RNF169: variants seen among roughly 807,000 people sequenced by gnomAD.
The protein encoded by RNF169 is E3 ubiquitin-protein ligase RNF169.
Under a neutral mutation model 53.9 loss-of-function variants are expected in RNF169, and 24 were observed. The ratio of observed to expected loss-of-function variants is 0.45; its 90% CI spans 0.32 to 0.63. The LOEUF is 0.63. Among genes scored for constraint, RNF169 ranks in the 20% least tolerant of loss-of-function variants. The pLI is 0.04. For missense variants in RNF169, 883 were observed against 906.2 expected (o/e 0.97, Z 0.33); for synonymous variants, 396 against 363.5 (o/e 1.09, Z -1.02).
chr11:74,816,172 G>A (rs1312777007), intron 3 of RNF169, among the ~76,000 whole-genome samples: 5 of 152,286 alleles, frequency 3.3e-5, no homozygotes, highest in East Asian at 1.9e-4. Flanking sequence ...CAGGGTACTC[G>A]GAGCCATATG....
At chr11:74,785,490 A>G (rs1421298374) in intron 1 of RNF169, among the ~76,000 whole-genome samples, 3 of 151,136 alleles carry the variant, frequency 2.0e-5, no homozygotes, top group Non-Finnish European at 1.5e-5. Context: ...TTTAGAGGGT[A>G]CAGCTAAGAT....
At chr11:74,768,157 A>C (rs2035202874) in intron 1 of RNF169, among the ~76,000 whole-genome samples, 1 of 152,226 alleles carries the variant, frequency 6.6e-6, no homozygotes, top group South Asian at 2.1e-4. Context: ...ATTAATGTTA[A>C]AATTAAAGAG....
intron 2 of RNF169, among the ~76,000 whole-genome samples, chr11:74,803,858 T>TA (rs1391183955): frequency 6.6e-6 from 1 of 152,382 alleles, no homozygotes; most frequent in Middle Eastern, 3.4e-3. Context: ...TTATTCAAGA[T>TA]ATGTGGATTG....
intron 1 of RNF169, among the ~76,000 whole-genome samples, chr11:74,764,686 A>G (rs1463525835): frequency 6.6e-6 from 1 of 152,238 alleles, no homozygotes; most frequent in Non-Finnish European, 1.5e-5. Context: ...TGATGAAGAA[A>G]GAAGTCAGTA....
At chr11:74,766,037 G>A (rs2035169400) in intron 1 of RNF169, among the ~76,000 whole-genome samples, 1 of 151,758 alleles carries the variant, frequency 6.6e-6, no homozygotes, top group Non-Finnish European at 1.5e-5. Context: ...CAAAGAAAAG[G>A]CATAAATATT....
chr11:74,804,025 T>C (rs1017120303), intron 2 of RNF169, among the ~76,000 whole-genome samples: 1 of 152,206 alleles, frequency 6.6e-6, no homozygotes, highest in Non-Finnish European at 1.5e-5. Context: ...ATGACATTGA[T>C]GAGAGAAAAA....
intron 1 of RNF169, among the ~76,000 whole-genome samples, chr11:74,784,750 C>A (rs2035463886): frequency 6.6e-6 from 1 of 152,172 alleles, no homozygotes; most frequent in African/African-American, 2.4e-5. Flanking sequence ...GTGAACAACT[C>A]ATCAGTTAAG....
At chr11:74,774,483 A>G (rs1324959850) in intron 1 of RNF169, among the ~76,000 whole-genome samples, 1 of 151,290 alleles carries the variant, frequency 6.6e-6, no homozygotes, top group Non-Finnish European at 1.5e-5. Flanking sequence ...TAGGCTAAGT[A>G]AAGATTCTGT....
intron 4 of RNF169, among the ~76,000 whole-genome samples, chr11:74,823,570 T>C (rs2036047365): frequency 6.6e-6 from 1 of 151,716 alleles, no homozygotes. Context: ...ACCTTGTCTC[T>C]ACTAAAAATT....
At position 74,816,285 on chromosome 11, in the gene RNF169, A is replaced by G. The variant is rs557545687; in HGVS notation, c.724-1311A>G. On this transcript the variant is annotated intron_variant, in intron 3 of 5. Coordinates refer to ENST00000299563, the MANE Select transcript of RNF169 (RefSeq NM_001098638.2). The stretch of plus-strand genomic sequence containing the variant: ...AGCAGACAGTTCTTATTTATCTACT[A>G]TGTAACAGTATTGGAAATTTTTTAA... 1.2e-3 allele frequency among the ~76,000 whole-genome samples: 178 copies of G among 152,310 alleles called. 4 individuals carry two copies. Among genetic ancestry groups the G allele is most frequent in the Non-Finnish European group, 3.7e-4 (25 of 68,030 alleles).
At chr11:74,791,186 C>T (rs1202439728) in intron 2 of RNF169, among the ~76,000 whole-genome samples, 4 of 152,112 alleles carry the variant, frequency 2.6e-5, no homozygotes, top group Non-Finnish European at 5.9e-5. Context: ...GGGTAGCTCC[C>T]CTACACAGGC....
chr11:74,809,690 C>T (rs766035599), intron 2 of RNF169, among the ~76,000 whole-genome samples: 2 of 152,168 alleles, frequency 1.3e-5, no homozygotes, highest in Non-Finnish European at 2.9e-5. Flanking sequence ...TCTTTGTAGA[C>T]CGTGTATCTT....
Position 74,749,189 on chromosome 11 carries a change from C to T in RNF169, c.309C>T (p.Cys103=). ...CCGCCGACGCGGCGGGCCCGGGTTGCCCTCGCTGCCGCGCCCGCGGCCCAG... is the reference window on the plus strand; with the variant it reads ...CCGCCGACGCGGCGGGCCCGGGTTGTCCTCGCTGCCGCGCCCGCGGCCCAG... ...QRAADAAGPG[C]PRCRARGPGW... The change falls in exon 1 of 6, where the codon TGC becomes TGT. Residue 103 remains cysteine, a synonymous_variant. Transcript: ENST00000299563. 6 of 1,169,676 alleles carry T rather than the reference C, an allele frequency of 5.1e-6. No individual in the cohort carries two copies. The highest frequency in any genetic ancestry group is 4.0e-5 in the East Asian group (1 of 25,142). The allele number at this position is 1,169,676 out of a possible 1,614,324, so 72.5% of individuals were successfully genotyped here. A position where few individuals can be genotyped will look rare whatever the true frequency, so the allele number is the denominator to read the frequency against.
At chr11:74,803,789 T>C (rs1591416171) in intron 2 of RNF169, among the ~76,000 whole-genome samples, 1 of 152,248 alleles carries the variant, frequency 6.6e-6, no homozygotes, top group Admixed American at 6.5e-5. Context: ...GATTCAGTAA[T>C]TATGTTGATA....
intron 1 of RNF169, among the ~76,000 whole-genome samples, chr11:74,756,329 A>G (rs933806096): frequency 2.3e-4 from 35 of 152,236 alleles, no homozygotes; most frequent in Non-Finnish European, 2.1e-4. Context: ...AGAGCAGGCT[A>G]ATAGAGGAAA....
intron 4 of RNF169, chr11:74,832,001 G>A (rs1453634056): frequency 6.6e-6 from 1 of 152,196 alleles, no homozygotes; most frequent in Non-Finnish European, 1.5e-5. Flanking sequence ...ATGAACTCCA[G>A]ATGGATCAGA....
intron 2 of RNF169, among the ~76,000 whole-genome samples, chr11:74,804,340 T>C (rs1369085206): frequency 6.6e-6 from 1 of 152,130 alleles, no homozygotes; most frequent in Non-Finnish European, 1.5e-5. Flanking sequence ...AATAAATGAG[T>C]ACAAATTTTT....
chr11:74,829,133 TAAAC>T (rs2036139655), intron 4 of RNF169, among the ~76,000 whole-genome samples: 1 of 152,114 alleles, frequency 6.6e-6, no homozygotes, highest in Non-Finnish European at 1.5e-5. Context: ...ACAAGGAACT[TAAAC>T]AAATTTACAA....
At chr11:74,812,457 G>A (rs1186643358) in intron 3 of RNF169, among the ~76,000 whole-genome samples, 1 of 151,930 alleles carries the variant, frequency 6.6e-6, no homozygotes, top group East Asian at 1.9e-4. Flanking sequence ...ACCATGGCTG[G>A]TCAATTTTTA....
Sources: allele counts gnomAD v4.1 joint callset (sites outside exome capture counted in the v4.1 genomes callset), GRCh38; gene constraint gnomAD v4.1.1; transcripts MANE v1.5; gene names NCBI Gene and HGNC (gene_info 2026-07-23, HGNC 2026-07-21).